The following COPA variants were observed in gnomAD, a reference collection of about 807,000 sequenced individuals.
The protein encoded by COPA is coatomer subunit alpha.
COPA carries 10 observed loss-of-function variants against 158.7 expected under a neutral mutation model. The observed-to-expected ratio is 0.06, with a 90% CI of 0.04 to 0.11. COPA has a LOEUF of 0.11. Among genes scored for constraint, COPA ranks in the 10% least tolerant of loss-of-function variants. The pLI is 1.00. For synonymous variants in COPA, 462 were observed against 542.8 expected (o/e 0.85, Z 2.07); for missense variants, 1,065 against 1,536.7 (o/e 0.69, Z 5.13).
intron 7 of COPA, among the ~76,000 whole-genome samples, chr1:160,325,253 T>A (rs1416052344): frequency 6.6e-6 from 1 of 152,218 alleles, no homozygotes; most frequent in East Asian, 1.9e-4. Flanking sequence ...CTGCCCTGCC[T>A]TACAGAAAGC....
At chr1:160,330,352 A>G (rs1469881256) in intron 6 of COPA, among the ~76,000 whole-genome samples, 2 of 152,230 alleles carry the variant, frequency 1.3e-5, no homozygotes, top group African/African-American at 2.4e-5. Flanking sequence ...TCCTGTTGGC[A>G]TGGCTGGTCA....
In COPA at chr1:160,323,885, G is replaced by A. The variant is rs538689117; in HGVS notation, c.607-355C>T. On this transcript the variant is annotated intron_variant, in intron 7 of 32. Transcript: ENST00000241704. Reference sequence around the variant, plus strand: ...TTTTTATTTTTTATTGTTTTTAGACGGAGTCTCGCTCTGTCACCCAGGCTG... The same window carrying A: ...TTTTTATTTTTTATTGTTTTTAGACAGAGTCTCGCTCTGTCACCCAGGCTG... Among the ~76,000 whole-genome samples, 7 of 151,688 alleles carry A rather than the reference G, an allele frequency of 4.6e-5. No homozygotes were observed. The South Asian group carries it at 8.3e-4, about 18-fold the overall frequency.
Position 160,291,395 on chromosome 1 carries a change from T to G in COPA, c.3360A>C (p.Thr1120=). 1 of 1,614,130 alleles carries G rather than the reference T, an allele frequency of 6.2e-7. No homozygotes were observed. The highest frequency in any genetic ancestry group is 8.5e-7 in the Non-Finnish European group (1 of 1,180,004). The change falls in exon 31 of 33, where the codon ACA becomes ACC. Residue 1120 remains threonine, a synonymous_variant. Transcript: ENST00000241704. The part of the protein sequence containing the change: ...NLFFKLKNFK[T]AATFARRLLE... ...GTAGGCGCCGAGCAAAGGTGGCAGCTGTCTTGAAGTTCTTGAGCTTGAAGA... is the reference window on the plus strand; with the variant it reads ...GTAGGCGCCGAGCAAAGGTGGCAGCGGTCTTGAAGTTCTTGAGCTTGAAGA...
intron 10 of COPA, 114 bp downstream of exon 10, chr1:160,312,971 C>T: frequency 1.1e-6 from 1 of 904,044 alleles, no homozygotes. Flanking sequence ...CTCTGAGAGT[C>T]CTTCTTCTTC....
chr1:160,337,721 A>AAAACAAAC (rs147699729), intron 3 of COPA, among the ~76,000 whole-genome samples: 1 of 147,526 alleles, frequency 6.8e-6, no homozygotes, highest in Admixed American at 6.8e-5. Context: ...TCCATCGCAA[A>AAAACAAAC]AAACAAACAA....
rs145469302 is a variant in COPA at position 160,312,628 on chromosome 1, T to C, written c.925+457A>G. Among the ~76,000 whole-genome samples, 32 of 152,314 alleles carry C rather than the reference T, an allele frequency of 2.1e-4. No individual in the cohort carries two copies. The East Asian group carries it at 5.8e-3, about 28-fold the overall frequency. ...GTATTCAGAATAAAATCTTAAGTTC[T>C]AACCATGGCATAGAAGGCAATACAC... On this transcript the variant is annotated intron_variant, in intron 10 of 32. Coordinates refer to ENST00000241704, the MANE Select transcript of COPA (RefSeq NM_004371.4).
intron 15 of COPA, 62 bp downstream of exon 15, chr1:160,306,292 A>G (rs1658783502): frequency 1.1e-5 from 17 of 1,515,990 alleles, no homozygotes; most frequent in Non-Finnish European, 1.5e-5. Flanking sequence ...AAAGGTTCCC[A>G]CTAAAGATGT....
intron 8 of COPA, among the ~76,000 whole-genome samples, chr1:160,322,279 C>G (rs1419081586): frequency 6.6e-6 from 1 of 152,110 alleles, no homozygotes; most frequent in Non-Finnish European, 1.5e-5. Context: ...ACCAATGGAA[C>G]AGAACAGAGG....
In COPA at chr1:160,343,207, C is replaced by T. The variant is rs201537509; in HGVS notation, c.-37G>A. On this transcript the variant is annotated 5_prime_UTR_variant, in exon 1 of 33. Coordinates refer to ENST00000241704, the MANE Select transcript of COPA (RefSeq NM_004371.4). Reference sequence around the variant, plus strand: ...CCGACTCCGATGTCTTAATCCGAGCCCCGACACACCCTGCTGCCCTTCGGA... The same window carrying T: ...CCGACTCCGATGTCTTAATCCGAGCTCCGACACACCCTGCTGCCCTTCGGA... 2.5e-5 allele frequency: 41 copies of T among 1,613,764 alleles called. No individual in the cohort carries two copies. The highest frequency in any genetic ancestry group is 3.5e-5 in the Non-Finnish European group (41 of 1,179,772).
At chr1:160,300,504 C>G (rs1019219304) in intron 17 of COPA, among the ~76,000 whole-genome samples, 2 of 151,986 alleles carry the variant, frequency 1.3e-5, no homozygotes, top group Non-Finnish European at 2.9e-5. Flanking sequence ...TTTTAAAATC[C>G]TCCCATAGAG....
chr1:160,293,981 C>T (rs1379032108), intron 25 of COPA, among the ~76,000 whole-genome samples: 1 of 152,200 alleles, frequency 6.6e-6, no homozygotes, highest in Non-Finnish European at 1.5e-5. Context: ...GATGAAACAG[C>T]TTGCTACCTT....
In COPA at chr1:160,328,363, G is replaced by A. The variant is rs897570398; in HGVS notation, c.497-2711C>T. On this transcript the variant is annotated intron_variant, in intron 6 of 32. Transcript: ENST00000241704. ...TTGTTGCATTTGCGTGTAATGATCC[G>A]GGAAAAGGGGAAGGGCAAAAACAGA... Among the ~76,000 whole-genome samples, 6 of 152,300 alleles carry A rather than the reference G, an allele frequency of 3.9e-5. No individual in the cohort carries two copies. The East Asian group carries it at 5.8e-4, about 15-fold the overall frequency.
At chr1:160,317,426 C>A in intron 8 of COPA, 1 of 1,608,492 alleles carries the variant, frequency 6.2e-7, no homozygotes, top group Non-Finnish European at 8.5e-7. Flanking sequence ...GCAAAACCTT[C>A]AACTGAGGAC....
chr1:160,301,344 T>G (rs201742336), intron 17 of COPA, among the ~76,000 whole-genome samples: 1 of 148,042 alleles, frequency 6.8e-6, no homozygotes, highest in South Asian at 2.1e-4. Flanking sequence ...TTCAGATTTT[T>G]GGATGTGGGA....
intron 13 of COPA, 98 bp downstream of exon 13, chr1:160,309,003 C>T (rs1658879160): frequency 2.2e-6 from 2 of 928,346 alleles, no homozygotes; most frequent in East Asian, 4.9e-5. Flanking sequence ...AGTGATGTGG[C>T]CATGGCTTGG....
intron 17 of COPA, among the ~76,000 whole-genome samples, chr1:160,300,083 T>C (rs1658546848): frequency 6.6e-6 from 1 of 152,124 alleles, no homozygotes; most frequent in Non-Finnish European, 1.5e-5. Flanking sequence ...CTCACATCTA[T>C]AATCCCAGCA....
intron 12 of COPA, 39 bp from the exon 13 acceptor site, chr1:160,309,215 G>A: frequency 6.7e-7 from 1 of 1,485,278 alleles, no homozygotes. Context: ...TTAGTGAGAA[G>A]CACCCAAGAT....
At chr1:160,290,417 A>ATGAGATC in intron 32 of COPA, 75 bp downstream of exon 32, 2 of 1,524,242 alleles carry the variant, frequency 1.3e-6, no homozygotes, top group Non-Finnish European at 1.8e-6. Flanking sequence ...CAAGAAGAAA[A>ATGAGATC]AAAGGACCAC....
intron 25 of COPA, among the ~76,000 whole-genome samples, chr1:160,293,963 C>T (rs550343369): frequency 2.0e-5 from 3 of 152,216 alleles, no homozygotes; most frequent in Non-Finnish European, 4.4e-5. Context: ...ATCAAAAACT[C>T]CAATTCAGAT....
Sources: allele counts gnomAD v4.1 joint callset (sites outside exome capture counted in the v4.1 genomes callset), GRCh38; gene constraint gnomAD v4.1.1; transcripts MANE v1.5; gene names NCBI Gene and HGNC (gene_info 2026-07-23, HGNC 2026-07-21).